ITGB8: variants seen among roughly 807,000 people sequenced by gnomAD.
ITGB8 encodes the protein integrin beta-8.
Under a neutral mutation model 89.5 loss-of-function variants are expected in ITGB8, and 30 were observed. That is an observed-to-expected ratio of 0.34 (90% CI 0.25 to 0.45). The LOEUF is 0.45. Ranked by LOEUF, ITGB8 falls within the 20% of genes least tolerant of loss-of-function variation. The pLI is 1.00. For missense variants in ITGB8, 836 were observed against 933.3 expected (o/e 0.90, Z 1.36); for synonymous variants, 335 against 320.4 (o/e 1.05, Z -0.49).
At chr7:20,341,208 T>A (rs141530322) in intron 1 of ITGB8, among the ~76,000 whole-genome samples, 1 of 152,316 alleles carries the variant, frequency 6.6e-6, no homozygotes, top group African/African-American at 2.4e-5. Flanking sequence ...TGGTTTGGAT[T>A]TTTATGGGGA....
At chr7:20,334,676 C>G (rs1030725820) in intron 1 of ITGB8, among the ~76,000 whole-genome samples, 5 of 152,148 alleles carry the variant, frequency 3.3e-5, no homozygotes, top group Non-Finnish European at 7.4e-5. Flanking sequence ...ACCAAGGTAT[C>G]ATTAACAAAA....
chr7:20,340,740 G>C lies in ITGB8; in HGVS notation c.127+8807G>C, dbSNP rs183847593. Among the ~76,000 whole-genome samples the C allele has an allele frequency of 1.6e-4, 24 of 152,170 alleles. No individual in the cohort carries two copies. In the East Asian group the frequency reaches 4.6e-3, roughly 29 times the overall value. The stretch of plus-strand genomic sequence containing the variant: ...TATTTAGGATTATTTCTTAGTAACT[G>C]TTACAGGTACTAGGTAGGGAAGGGG... On this transcript the variant is annotated intron_variant, in intron 1 of 13. Transcript: ENST00000222573.
chr7:20,375,420 C>A (rs1340662899), intron 3 of ITGB8, among the ~76,000 whole-genome samples: 2 of 150,766 alleles, frequency 1.3e-5, no homozygotes, highest in African/African-American at 4.9e-5. Flanking sequence ...ATTTTAAAGA[C>A]ATTCACATAA....
At chr7:20,395,910 T>C (rs915049629) in intron 8 of ITGB8, among the ~76,000 whole-genome samples, 1 of 152,236 alleles carries the variant, frequency 6.6e-6, no homozygotes, top group Admixed American at 6.5e-5. Flanking sequence ...CTGTTTTTCA[T>C]TGTTTTACAG....
At chr7:20,391,913 A>C (rs1422945439) in intron 7 of ITGB8, among the ~76,000 whole-genome samples, 1 of 152,208 alleles carries the variant, frequency 6.6e-6, no homozygotes, top group Non-Finnish European at 1.5e-5. Context: ...TATCAGCTTA[A>C]TTCTAAATAG....
intron 1 of ITGB8, among the ~76,000 whole-genome samples, chr7:20,353,636 T>G (rs1251143711): frequency 6.6e-6 from 1 of 151,924 alleles, no homozygotes; most frequent in Non-Finnish European, 1.5e-5. Flanking sequence ...AGACCAAGTG[T>G]AAGAAAACGG....
At chr7:20,337,904 G>T (rs1784628643) in intron 1 of ITGB8, among the ~76,000 whole-genome samples, 1 of 152,138 alleles carries the variant, frequency 6.6e-6, no homozygotes, top group Non-Finnish European at 1.5e-5. Context: ...CTGCCTTCTG[G>T]GGGTAAACTG....
Position 20,402,004 on chromosome 7 carries a change from G to T in ITGB8, c.1565G>T (p.Gly522Val). ...CACAAGGATCAGCCTGTTTGCAGTG[G>T]TCGAGGAGTTTGTGTTTGTGGGAAA... Reference protein sequence around the residue: ...KSHKDQPVCSGRGVCVCGKCS... With the variant: ...KSHKDQPVCSVRGVCVCGKCS... Residue 522 changes from glycine to valine, a missense_variant, in exon 10 of 14, where the codon GGT (glycine) becomes GTT (valine). By Grantham distance (109) the Gly-to-Val change is moderately radical. Coordinates refer to ENST00000222573, the MANE Select transcript of ITGB8 (RefSeq NM_002214.3). The T allele has an allele frequency of 6.2e-7, 1 of 1,614,148 alleles. No individual in the cohort carries two copies. The highest frequency in any genetic ancestry group is 8.5e-7 in the Non-Finnish European group (1 of 1,180,016).
chr7:20,398,004 A>G (rs987038261), intron 8 of ITGB8, among the ~76,000 whole-genome samples: 5 of 150,456 alleles, frequency 3.3e-5, no homozygotes, highest in Non-Finnish European at 7.4e-5. Flanking sequence ...CATGTGGTAG[A>G]CTCTTAGTTG....
chr7:20,353,606 C>G (rs1390598985), intron 1 of ITGB8, among the ~76,000 whole-genome samples: 1 of 152,096 alleles, frequency 6.6e-6, no homozygotes, highest in Admixed American at 6.5e-5. Flanking sequence ...GCTAGTTCAG[C>G]TGAACTACAC....
chr7:20,362,814 ATAGTT>A (rs1354407313), intron 1 of ITGB8, among the ~76,000 whole-genome samples: 4 of 152,202 alleles, frequency 2.6e-5, no homozygotes, highest in African/African-American at 9.7e-5. Flanking sequence ...ATTCTGTATC[ATAGTT>A]TGTGTTTTAA....
At chr7:20,382,044 A>G in intron 6 of ITGB8, 159 bp downstream of exon 6, 3 of 543,786 alleles carry the variant, frequency 5.5e-6, no homozygotes, top group Non-Finnish European at 3.2e-6. Flanking sequence ...AGTGCAATCT[A>G]TAAATACTGA....
intron 12 of ITGB8, among the ~76,000 whole-genome samples, chr7:20,408,403 T>A (rs1446732293): frequency 1.3e-5 from 2 of 150,856 alleles, no homozygotes; most frequent in Non-Finnish European, 2.9e-5. Flanking sequence ...AAAATAGGCT[T>A]AATTAAGTCT....
At chr7:20,356,066 C>T (rs989060639) in intron 1 of ITGB8, among the ~76,000 whole-genome samples, 2 of 152,184 alleles carry the variant, frequency 1.3e-5, no homozygotes, top group African/African-American at 4.8e-5. Flanking sequence ...CTACTCAGAT[C>T]CACCTTTTTC....
At chr7:20,351,915 T>C (rs1299114548) in intron 1 of ITGB8, among the ~76,000 whole-genome samples, 1 of 152,058 alleles carries the variant, frequency 6.6e-6, no homozygotes, top group Non-Finnish European at 1.5e-5. Flanking sequence ...AGGAAACCTA[T>C]ACCTGCCAAG....
At chr7:20,379,349 C>T in intron 4 of ITGB8, 52 bp downstream of exon 4, 1 of 1,286,558 alleles carries the variant, frequency 7.8e-7, no homozygotes, top group East Asian at 2.7e-5. Flanking sequence ...CTTATAAAAT[C>T]TCACTTTGTT....
intron 7 of ITGB8, among the ~76,000 whole-genome samples, chr7:20,393,165 C>T (rs182877071): frequency 8.7e-4 from 133 of 152,316 alleles, no homozygotes; most frequent in African/African-American, 3.0e-3. Context: ...TACCATGCAG[C>T]TTTTTATAGC....
At chr7:20,366,661 A>T (rs1785710072) in intron 2 of ITGB8, 1 of 203,734 alleles carries the variant, frequency 4.9e-6, no homozygotes, top group African/African-American at 2.4e-5. Context: ...GCTACTCGGG[A>T]GGCTGAGGCA....
chr7:20,361,772 T>C (rs546784034), intron 1 of ITGB8, among the ~76,000 whole-genome samples: 5 of 152,314 alleles, frequency 3.3e-5, no homozygotes, highest in Admixed American at 2.0e-4. Flanking sequence ...TTTTACAGTT[T>C]GGCAGCCTAC....
Sources: gnomAD v4.1 joint callset for allele counts (sites outside exome capture counted in the v4.1 genomes callset) on GRCh38, gnomAD v4.1.1 for gene constraint, MANE v1.5 for transcripts, NCBI Gene and HGNC (gene_info 2026-07-23, HGNC 2026-07-21) for gene names.